Variants in NALCN observed in about 807,000 individuals in gnomAD.
The protein encoded by NALCN is sodium leak channel NALCN.
NALCN carries 111 observed loss-of-function variants against 225.3 expected under a neutral mutation model. The ratio of observed to expected loss-of-function variants is 0.49; its 90% confidence interval spans 0.42 to 0.58. The LOEUF (loss-of-function observed/expected upper bound fraction) is 0.58. NALCN is among the 20% of genes least tolerant of loss of function. The probability of loss-of-function intolerance (pLI) is 0.00; values close to 1 mark genes in which losing one functional copy is unlikely to be tolerated. For synonymous variants in NALCN, 764 were observed against 769.0 expected (o/e 0.99, Z 0.11); for missense variants, 1,378 against 2,202.4 (o/e 0.63, Z 7.49).
chr13:101,153,543 C>A (rs974450939), intron 15 of NALCN, among the ~76,000 whole-genome samples: 2 of 152,200 alleles, frequency 1.3e-5, no homozygotes, highest in South Asian at 4.1e-4. Flanking sequence ...GCCTCCTTTG[C>A]TATTTAAGGT....
intron 6 of NALCN, among the ~76,000 whole-genome samples, chr13:101,367,374 C>G (rs961293861): frequency 6.6e-6 from 1 of 151,922 alleles, no homozygotes; most frequent in East Asian, 1.9e-4. Flanking sequence ...ATAAAACTCA[C>G]ATTTTCTCTC....
chr13:101,129,324 A>G (rs1009874744), intron 17 of NALCN, among the ~76,000 whole-genome samples: 1 of 152,156 alleles, frequency 6.6e-6, no homozygotes, highest in Non-Finnish European at 1.5e-5. Flanking sequence ...GTCATTATGA[A>G]CTCAAGATTT....
intron 9 of NALCN, among the ~76,000 whole-genome samples, chr13:101,286,036 C>A (rs571580072): frequency 6.6e-6 from 1 of 152,060 alleles, no homozygotes; most frequent in African/African-American, 2.4e-5. Flanking sequence ...AAAGTGTTCT[C>A]CCAAGGTCAC....
Position 101,376,901 on chromosome 13 carries a change from G to A in NALCN, c.515+16C>T. 1 of 1,614,074 alleles carries A rather than the reference G, an allele frequency of 6.2e-7. No homozygotes were observed. Among genetic ancestry groups the A allele is most frequent in the Non-Finnish European group, 8.5e-7 (1 of 1,179,982 alleles). On this transcript the variant is annotated intron_variant, in intron 5 of 43. Transcript: ENST00000251127. The stretch of plus-strand genomic sequence containing the variant: ...CATAAACTTTTCCTCTTAACTTATT[G>A]TAAAGCAGCGCTCACTTTAAAATAT...
intron 10 of NALCN, among the ~76,000 whole-genome samples, chr13:101,263,717 G>A (rs759398469): frequency 3.3e-5 from 5 of 152,080 alleles, no homozygotes; most frequent in African/African-American, 4.8e-5. Flanking sequence ...CACTTACAAT[G>A]GATTTTGATA....
In NALCN at chr13:101,243,939, A is replaced by G. The variant is rs185997969; in HGVS notation, c.1267-6017T>C. On this transcript the variant is annotated intron_variant, in intron 11 of 43. Transcript: ENST00000251127. ...CTTTGCTGCAAGTCCTGCGACAGGT[A>G]CTTCCTCTCTAGCACAGGCTTCTTA... 2.3e-3 allele frequency among the ~76,000 whole-genome samples: 240 copies of G among 105,924 alleles called. 77 individuals carry two copies. Among genetic ancestry groups the G allele is most frequent in the African/African-American group, 7.7e-3 (227 of 29,516 alleles). The allele number at this position is 105,924 out of a possible 152,430, so 69.5% of individuals were successfully genotyped here.
chr13:101,309,609 C>T (rs372790063), intron 7 of NALCN, among the ~76,000 whole-genome samples: 2 of 152,132 alleles, frequency 1.3e-5, no homozygotes, highest in African/African-American at 4.8e-5. Flanking sequence ...TAGTGTAATG[C>T]CTTGTGGTTT....
chr13:101,399,929 C>T (rs541563169), intron 1 of NALCN, among the ~76,000 whole-genome samples: 1 of 152,206 alleles, frequency 6.6e-6, no homozygotes, highest in African/African-American at 2.4e-5. Flanking sequence ...ATATGTCAGC[C>T]CTCAGGACAC....
chr13:101,177,616 TAAAAC>T (rs2039015993), intron 14 of NALCN, among the ~76,000 whole-genome samples: 1 of 151,814 alleles, frequency 6.6e-6, no homozygotes, highest in South Asian at 2.1e-4. Flanking sequence ...GTAAATAAAA[TAAAAC>T]AAAATAGCAT....
At chr13:101,334,872 G>A (rs78600443) in intron 7 of NALCN, among the ~76,000 whole-genome samples, 2,260 of 151,656 alleles carry the variant, frequency 0.015, 57 homozygotes, top group African/African-American at 0.051. Context: ...ACAGAGAGGG[G>A]AGAAGAAATG....
intron 7 of NALCN, among the ~76,000 whole-genome samples, chr13:101,320,380 C>T (rs1050847072): frequency 1.3e-5 from 2 of 152,034 alleles, no homozygotes; most frequent in Non-Finnish European, 2.9e-5. Flanking sequence ...TTTTGCTTCC[C>T]CTATATTTCT....
At chr13:101,134,285 A>C (rs1253267662) in intron 17 of NALCN, among the ~76,000 whole-genome samples, 4 of 152,220 alleles carry the variant, frequency 2.6e-5, no homozygotes, top group Non-Finnish European at 5.9e-5. Flanking sequence ...ATAAACATGC[A>C]TGTGCACGTG....
chr13:101,403,180 A>C (rs984603496), intron 1 of NALCN, among the ~76,000 whole-genome samples: 1 of 152,204 alleles, frequency 6.6e-6, no homozygotes, highest in Non-Finnish European at 1.5e-5. Flanking sequence ...CACAGCAAAT[A>C]TTATGCATCC....
At chr13:101,307,482 A>G (rs2044191267) in intron 7 of NALCN, among the ~76,000 whole-genome samples, 1 of 152,218 alleles carries the variant, frequency 6.6e-6, no homozygotes, top group Non-Finnish European at 1.5e-5. Context: ...GTTCACCCAG[A>G]GTGGATGTCT....
chr13:101,292,364 T>C lies in NALCN; in HGVS notation c.802A>G (p.Thr268Ala). The change falls in exon 8 of 44, where the codon ACT becomes GCT. Residue 268 changes from threonine to alanine, a missense_variant and splice_region_variant. Thr to Ala is a moderately conservative substitution (Grantham distance 58). Coordinates refer to ENST00000251127, the MANE Select transcript of NALCN (RefSeq NM_052867.4). This position sits in a 1 kb window ranked among gnomAD's most constrained non-coding sequence, Gnocchi z 4.3. Reference protein sequence around the residue: ...LGYSGFNEIGTSIFTVYEAAS... With the variant: ...LGYSGFNEIGASIFTVYEAAS... ...GCCTCATAGACGGTGAATATACTAG[T>C]TCCTGTCATGACAGAGGAGGACAGA... 6.2e-7 allele frequency: 1 copy of C among 1,613,626 alleles called. No homozygotes were observed. The highest frequency in any genetic ancestry group is 8.5e-7 in the Non-Finnish European group (1 of 1,179,836).
intron 17 of NALCN, among the ~76,000 whole-genome samples, chr13:101,134,147 G>C (rs1453844334): frequency 6.6e-6 from 1 of 152,018 alleles, no homozygotes; most frequent in Non-Finnish European, 1.5e-5. Context: ...TCCAGCATGG[G>C]CCACAGAGCG....
intron 17 of NALCN, among the ~76,000 whole-genome samples, chr13:101,125,864 A>G (rs1349465247): frequency 2.0e-5 from 3 of 152,222 alleles, no homozygotes; most frequent in Non-Finnish European, 4.4e-5. Context: ...AACTACCTGT[A>G]TAAGTGCTGT....
intron 30 of NALCN, among the ~76,000 whole-genome samples, chr13:101,088,500 C>T (rs1315197381): frequency 6.6e-6 from 1 of 152,178 alleles, no homozygotes; most frequent in Non-Finnish European, 1.5e-5. Context: ...GTAATAGGCA[C>T]CAATTCTGAA....
chr13:101,097,246 C>T lies in NALCN; in HGVS notation c.3163-1566G>A, dbSNP rs566748200. 3.9e-5 allele frequency among the ~76,000 whole-genome samples: 6 copies of T among 152,256 alleles called. No homozygotes were observed. In the East Asian group the frequency reaches 5.8e-4, roughly 15 times the overall value. Reference sequence around the variant, plus strand: ...AATTGCCACAGACAAACACAATGAACGTTTTGGAGTATATCCTTCCAGTCT... The same window carrying T: ...AATTGCCACAGACAAACACAATGAATGTTTTGGAGTATATCCTTCCAGTCT... On this transcript the variant is annotated intron_variant, in intron 27 of 43. Transcript: ENST00000251127.
Sources: gnomAD v4.1 joint callset for allele counts (sites outside exome capture counted in the v4.1 genomes callset) on GRCh38, gnomAD v4.1.1 for gene constraint, Gnocchi (gnomAD v3.1) non-coding constraint, MANE v1.5 for transcripts, NCBI Gene and HGNC (gene_info 2026-07-23, HGNC 2026-07-21) for gene names.